The following NCMAP variants were observed in gnomAD, a reference collection of about 807,000 sequenced individuals.
NCMAP encodes noncompact myelin-associated protein.
In NCMAP, 8 loss-of-function variants were observed where a neutral mutation model predicts 7.8. The observed-to-expected ratio is 1.02, with a 90% CI of 0.60 to 1.84. The LOEUF (loss-of-function observed/expected upper bound fraction) is 1.84. Ranked by LOEUF, NCMAP falls within the 40% of genes most tolerant of loss-of-function variation. The probability of loss-of-function intolerance (pLI) is 0.00; values close to 1 mark genes in which losing one functional copy is unlikely to be tolerated. For synonymous variants in NCMAP, 41 were observed against 52.9 expected (o/e 0.78, Z 0.98); for missense variants, 112 against 131.4 (o/e 0.85, Z 0.72).
In NCMAP at chr1:24,599,819, GCCCCCCCCCC is replaced by G. The variant is rs59282200; in HGVS notation, c.83-1110_83-1101del. Among the ~76,000 whole-genome samples the G allele has an allele frequency of 6.3e-5, 3 of 47,802 alleles. 1 individual carries two copies. Among genetic ancestry groups the G allele is most frequent in the East Asian group, 1.6e-3 (2 of 1,282 alleles). 31.4% of individuals were successfully genotyped at this position (47,802 alleles called of 152,430 possible). ...TCTCGAACTCCTGACCTCGTGATCC[GCCCCCCCCCC>G]CCCCCCCCCCTTGGCCTCCCAAAGT... is the stretch of plus-strand genomic sequence containing the variant. On this transcript the variant is annotated intron_variant, in intron 2 of 3. Coordinates refer to ENST00000374392, the MANE Select transcript of NCMAP (RefSeq NM_001010980.5).
intron 3 of NCMAP, among the ~76,000 whole-genome samples, chr1:24,604,605 A>AATATATATATATAT (rs71032835): frequency 4.7e-5 from 1 of 21,200 alleles, no homozygotes; most frequent in Non-Finnish European, 7.3e-5. Context: ...AAAAAAAAAA[A>AATATATATATATAT]ATATATATAT....
intron 1 of NCMAP, among the ~76,000 whole-genome samples, chr1:24,591,711 G>A (rs950133030): frequency 3.9e-5 from 6 of 152,170 alleles, no homozygotes; most frequent in Non-Finnish European, 7.4e-5. Context: ...AGAGCCACAC[G>A]GGGTTCCTGG....
At chr1:24,598,089 G>A (rs1652322650) in intron 2 of NCMAP, among the ~76,000 whole-genome samples, 1 of 152,082 alleles carries the variant, frequency 6.6e-6, no homozygotes, top group Admixed American at 6.6e-5. Flanking sequence ...GCCAGCTGAG[G>A]TTGAAAAACC....
chr1:24,590,413 C>T (rs991747829), intron 1 of NCMAP, among the ~76,000 whole-genome samples: 1 of 152,112 alleles, frequency 6.6e-6, no homozygotes, highest in African/African-American at 2.4e-5. Flanking sequence ...ATGAAAGCCT[C>T]ACTGGTGAGT....
At chr1:24,605,154 A>G (rs1652679334) in intron 3 of NCMAP, among the ~76,000 whole-genome samples, 2 of 152,066 alleles carry the variant, frequency 1.3e-5, no homozygotes, top group South Asian at 4.1e-4. Context: ...ATTATTGTTC[A>G]TTATTGAATT....
intron 1 of NCMAP, among the ~76,000 whole-genome samples, chr1:24,573,481 A>G (rs1040711474): frequency 4.0e-5 from 6 of 150,686 alleles, no homozygotes; most frequent in Non-Finnish European, 8.8e-5. Flanking sequence ...CCAGCTACTC[A>G]GGAGGCTGAG....
intron 1 of NCMAP, among the ~76,000 whole-genome samples, chr1:24,588,565 C>T (rs951240016): frequency 2.0e-5 from 3 of 152,144 alleles, no homozygotes; most frequent in African/African-American, 7.2e-5. Context: ...ATATTTTGGA[C>T]AGGTGGGAGT....
At chr1:24,568,310 A>G (rs1651287030) in intron 1 of NCMAP, among the ~76,000 whole-genome samples, 1 of 152,222 alleles carries the variant, frequency 6.6e-6, no homozygotes, top group South Asian at 2.1e-4. Context: ...GGAGAGGGAA[A>G]CAAGTTCTAG....
At position 24,581,010 on chromosome 1, in the gene NCMAP, C is replaced by T. The variant is rs145013951; in HGVS notation, c.-7-14414C>T. Among the ~76,000 whole-genome samples, 227 of 152,088 alleles carry T rather than the reference C, an allele frequency of 1.5e-3. 1 individual carries two copies. Among genetic ancestry groups the T allele is most frequent in the African/African-American group, 5.1e-3 (213 of 41,478 alleles). ...TGTACCCTTTGGCCTTGAGAGTTGA[C>T]GCCTCTTGATTCTTGATTCCTTCAC... On this transcript the variant is annotated intron_variant, in intron 1 of 3. Transcript: ENST00000374392.
At chr1:24,601,561 A>T (rs72886125) in intron 3 of NCMAP, among the ~76,000 whole-genome samples, 8,230 of 152,288 alleles carry the variant, frequency 0.054, 762 homozygotes, top group African/African-American at 0.19. Context: ...AATCAAAATT[A>T]AAAAACTATA....
chr1:24,573,952 C>CAAAAAGAAAAAA (rs1651466709), intron 1 of NCMAP, among the ~76,000 whole-genome samples: 1 of 84,454 alleles, frequency 1.2e-5, no homozygotes, highest in Non-Finnish European at 2.2e-5. Flanking sequence ...CCAGAGAGGA[C>CAAAAAGAAAAAA]AAAAAAAAAA....
intron 1 of NCMAP, among the ~76,000 whole-genome samples, chr1:24,578,315 G>A (rs1230269164): frequency 6.6e-6 from 1 of 151,750 alleles, no homozygotes; most frequent in East Asian, 1.9e-4. Context: ...TGTGCTCCCG[G>A]GGGCTTTGCT....
At chr1:24,571,734 C>T (rs900157575) in intron 1 of NCMAP, among the ~76,000 whole-genome samples, 6 of 149,562 alleles carry the variant, frequency 4.0e-5, no homozygotes, top group South Asian at 4.2e-4. Flanking sequence ...TACAGGTGTG[C>T]GCCACCACGC....
chr1:24,562,733 T>G (rs1651087775), intron 1 of NCMAP, among the ~76,000 whole-genome samples: 1 of 152,184 alleles, frequency 6.6e-6, no homozygotes, highest in Non-Finnish European at 1.5e-5. Context: ...AGGCAAGGGA[T>G]CAGGCATTGA....
At chr1:24,586,157 AG>A (rs1484536246) in intron 1 of NCMAP, among the ~76,000 whole-genome samples, 3 of 152,288 alleles carry the variant, frequency 2.0e-5, no homozygotes, top group Non-Finnish European at 4.4e-5. Flanking sequence ...CAGTTTATCA[AG>A]CTGGTCAGTG....
At position 24,608,111 on chromosome 1, in the gene NCMAP, C is replaced by A. The variant is rs1372710248; in HGVS notation, c.*2364C>A. The A allele has an allele frequency of 6.6e-6, 1 of 152,128 alleles. No homozygotes were observed. The highest frequency in any genetic ancestry group is 1.5e-5 in the Non-Finnish European group (1 of 68,026). 9.4% of individuals were successfully genotyped at this position (152,128 alleles called of 1,614,324 possible). ...TCATAGGATTAAATTTTCCCAAAAA[C>A]CTGGGGAGGAATTATTTTTTCCAAA... On this transcript the variant is annotated 3_prime_UTR_variant, in exon 4 of 4. Transcript: ENST00000374392.
chr1:24,578,556 C>A (rs200036057), intron 1 of NCMAP, among the ~76,000 whole-genome samples: 1 of 126,896 alleles, frequency 7.9e-6, no homozygotes, highest in Non-Finnish European at 1.6e-5. Flanking sequence ...CTTTTTCTTT[C>A]TTTCTTTTTT....
At chr1:24,573,371 C>T (rs1012618755) in intron 1 of NCMAP, among the ~76,000 whole-genome samples, 2 of 150,656 alleles carry the variant, frequency 1.3e-5, no homozygotes, top group Admixed American at 1.3e-4. Context: ...TCGTGGATCA[C>T]GAGGTCAGGA....
intron 2 of NCMAP, among the ~76,000 whole-genome samples, chr1:24,599,725 A>G (rs12049287): frequency 0.75 from 113,567 of 151,006 alleles, 43,771 homozygotes; most frequent in African/African-American, 0.93. Context: ...TTACAGGCAC[A>G]TGCCATCACG....
Sources: allele counts gnomAD v4.1 joint callset (sites outside exome capture counted in the v4.1 genomes callset), GRCh38; gene constraint gnomAD v4.1.1; transcripts MANE v1.5; gene names NCBI Gene and HGNC (gene_info 2026-07-23, HGNC 2026-07-21).